Variants in PATL1 observed in about 807,000 individuals in gnomAD.
PATL1 encodes PAT1 homolog 1, processing body mRNA decay factor.
Under a neutral mutation model 100.6 loss-of-function variants are expected in PATL1, and 32 were observed. The observed-to-expected ratio is 0.32, with a 90% CI of 0.24 to 0.43. The LOEUF (loss-of-function observed/expected upper bound fraction) is 0.43, where lower values mean the gene tolerates loss of function less well. Ranked by LOEUF, PATL1 falls within the 20% of genes least tolerant of loss-of-function variation. The probability of loss-of-function intolerance (pLI) is 1.00; values close to 1 mark genes in which losing one functional copy is unlikely to be tolerated. For missense variants in PATL1, 747 were observed against 949.9 expected (o/e 0.79, Z 2.81); for synonymous variants, 332 against 330.0 (o/e 1.01, Z -0.07).
chr11:59,652,630 C>T lies in PATL1; in HGVS notation c.1303-43G>A, dbSNP rs981433988. On this transcript the variant is annotated intron_variant, in intron 10 of 18. Transcript: ENST00000300146. Reference sequence around the variant, plus strand: ...TTTCAGTTGTAACACAAGCACAGAACACGACTGTTGTTTACCATCAAATAA... The same window carrying T: ...TTTCAGTTGTAACACAAGCACAGAATACGACTGTTGTTTACCATCAAATAA... The T allele has an allele frequency of 2.5e-6, 4 of 1,604,618 alleles. No individual in the cohort carries two copies. The African/African-American group carries it at 5.4e-5, about 22-fold the overall frequency.
intron 8 of PATL1, among the ~76,000 whole-genome samples, chr11:59,655,206 CACA>C (rs1279308345): frequency 6.6e-6 from 1 of 152,174 alleles, no homozygotes; most frequent in Non-Finnish European, 1.5e-5. Flanking sequence ...TGTAATAAAA[CACA>C]ACTTCACTGA....
At chr11:59,655,047 T>C (rs1017884993) in intron 8 of PATL1, among the ~76,000 whole-genome samples, 3 of 152,232 alleles carry the variant, frequency 2.0e-5, no homozygotes, top group African/African-American at 7.2e-5. Flanking sequence ...TCTTGCCTGC[T>C]GGTCTGTCTT....
At position 59,668,282 on chromosome 11, in the gene PATL1, G is replaced by C. The variant is rs536919829; in HGVS notation, c.15+599C>G. Among the ~76,000 whole-genome samples, 20 of 152,212 alleles carry C rather than the reference G, an allele frequency of 1.3e-4. No individual in the cohort carries two copies. In the South Asian group the frequency reaches 3.9e-3, roughly 30 times the overall value. On this transcript the variant is annotated intron_variant, in intron 1 of 18. Coordinates refer to ENST00000300146, the MANE Select transcript of PATL1 (RefSeq NM_152716.3). ...GTCTGCTGCTATTGCTACATTCCCG[G>C]CACCTTCTCCAAACCCGCGTCTCCC...
chr11:59,656,566 G>A lies in PATL1; in HGVS notation c.656C>T (p.Pro219Leu), dbSNP rs913950533. 5 of 1,613,914 alleles carry A rather than the reference G, an allele frequency of 3.1e-6. No individual in the cohort carries two copies. The highest frequency in any genetic ancestry group is 4.2e-6 in the Non-Finnish European group (5 of 1,179,878). Residue 219 changes from proline (P) to leucine (L), a missense_variant, in exon 6 of 19, where the codon CCA (proline) becomes CTA (leucine). Transcript: ENST00000300146. ...GGGAGCAGGATAACGAGGTGGCATTGGGGGCCGAACATGGACAGGCTTCGG... is the reference window on the plus strand; with the variant it reads ...GGGAGCAGGATAACGAGGTGGCATTAGGGGCCGAACATGGACAGGCTTCGG... ...LCPKPVHVRP[P>L]MPPRYPAPYG...
intron 11 of PATL1, 113 bp downstream of exon 11, chr11:59,652,351 C>T: frequency 1.4e-6 from 2 of 1,397,296 alleles, no homozygotes; most frequent in Admixed American, 5.2e-5. Flanking sequence ...CTTTTAAAAT[C>T]ACTTTGAAAC....
intron 8 of PATL1, 103 bp from the exon 9 acceptor site, chr11:59,654,175 G>C: frequency 1.9e-6 from 2 of 1,036,350 alleles, no homozygotes; most frequent in Non-Finnish European, 3.0e-6. Context: ...TTAACTTAAG[G>C]GACTACAAAA....
rs76721411 is a variant in PATL1 at position 59,660,130 on chromosome 11, C to T, written c.128-661G>A. On this transcript the variant is annotated intron_variant, in intron 2 of 18. Coordinates refer to ENST00000300146, the MANE Select transcript of PATL1 (RefSeq NM_152716.3). ...GATTCTATGACATTTCAAGCAAAAA[C>T]TTTAAAGGGAAGTTAAAACTCATAG... Among the ~76,000 whole-genome samples, 258 of 152,248 alleles carry T rather than the reference C, an allele frequency of 1.7e-3. 3 individuals carry two copies. In the East Asian group the frequency reaches 0.045, roughly 26 times the overall value.
At chr11:59,666,808 G>A in intron 2 of PATL1, 45 bp downstream of exon 2, 1 of 1,531,754 alleles carries the variant, frequency 6.5e-7, no homozygotes, top group Non-Finnish European at 8.8e-7. Context: ...CACTTGAAAA[G>A]AGCAGGAGGC....
chr11:59,652,522 C>T lies in PATL1; in HGVS notation c.1368G>A (p.Lys456=), dbSNP rs1861461906. The change falls in exon 11 of 19, where the codon AAG becomes AAA. Residue 456 remains lysine (K), a synonymous_variant. Transcript: ENST00000300146. ...GAGGGGTGATAAGCTTGGTGCGCTC[C>T]TTCTTAGGGCCATCACCTTGTATTT... is the stretch of plus-strand genomic sequence containing the variant. ...AEEIQGDGPK[K]ERTKLITPQV... The T allele has an allele frequency of 6.2e-7, 1 of 1,613,900 alleles. No individual in the cohort carries two copies. Among genetic ancestry groups the T allele is most frequent in the East Asian group, 2.2e-5 (1 of 44,880 alleles).
At chr11:59,640,564 C>CA (rs1183813691) in intron 16 of PATL1, among the ~76,000 whole-genome samples, 5 of 147,772 alleles carry the variant, frequency 3.4e-5, no homozygotes, top group African/African-American at 1.2e-4. Context: ...CTAAAAAATA[C>CA]AAAAAATTAG....
intron 16 of PATL1, 156 bp from the exon 17 acceptor site, chr11:59,639,539 A>G: frequency 1.6e-6 from 1 of 616,440 alleles, no homozygotes; most frequent in Non-Finnish European, 2.8e-6. Flanking sequence ...TCAGACAAGC[A>G]TGAGTTGAAA....
chr11:59,650,665 CTGAT>C, intron 13 of PATL1, 85 bp downstream of exon 13: 2 of 877,332 alleles, frequency 2.3e-6, no homozygotes, highest in Non-Finnish European at 3.5e-6. Flanking sequence ...AGAACATTGA[CTGAT>C]TGCTCACTGT....
Position 59,652,471 on chromosome 11 carries a change from A to G in PATL1, c.1419T>C (p.Tyr473=). Residue 473 remains tyrosine (Y), a synonymous_variant, in exon 11 of 19, where the codon TAT becomes TAC. Coordinates refer to ENST00000300146, the MANE Select transcript of PATL1 (RefSeq NM_152716.3). ...TPQVAKLEHA[Y]KPVQFEGSLG... is the part of the protein sequence containing the mutation. ...TTCTTATGAGGACCTTACCTGGCTT[A>G]TAGGCGTGCTCCAGTTTGGCCACCT... is the stretch of plus-strand genomic sequence containing the variant. 1.2e-6 allele frequency: 2 copies of G among 1,612,988 alleles called. No homozygotes were observed. Among genetic ancestry groups the G allele is most frequent in the Non-Finnish European group, 1.7e-6 (2 of 1,179,564 alleles).
intron 16 of PATL1, 190 bp downstream of exon 16, chr11:59,642,690 C>T (rs1311598900): frequency 1.7e-6 from 1 of 573,664 alleles, no homozygotes; most frequent in Non-Finnish European, 2.9e-6. Context: ...ATTTATTTCA[C>T]ACTAGACACA....
chr11:59,644,258 C>T (rs1274787812), intron 15 of PATL1, among the ~76,000 whole-genome samples: 1 of 152,114 alleles, frequency 6.6e-6, no homozygotes, highest in Admixed American at 6.6e-5. Flanking sequence ...TCCCAAAATA[C>T]ATCAGTTTGT....
At chr11:59,649,416 A>C (rs1861410188) in intron 14 of PATL1, 46 bp downstream of exon 14, 2 of 1,598,596 alleles carry the variant, frequency 1.3e-6, no homozygotes. Flanking sequence ...GTTATGACAG[A>C]GGAAGGAGTC....
intron 15 of PATL1, 56 bp downstream of exon 15, chr11:59,647,698 G>A: frequency 1.3e-6 from 2 of 1,561,908 alleles, no homozygotes; most frequent in Non-Finnish European, 1.8e-6. Flanking sequence ...TTGCATTCTA[G>A]AAATCTTATC....
chr11:59,661,957 A>G (rs922697068), intron 2 of PATL1, among the ~76,000 whole-genome samples: 1 of 152,238 alleles, frequency 6.6e-6, no homozygotes, highest in Middle Eastern at 3.2e-3. Context: ...TATAATAATT[A>G]ATACTGTAAT....
Position 59,668,882 on chromosome 11 carries a change from T to C in PATL1, c.14A>G (p.Glu5Gly). The C allele has an allele frequency of 8.1e-7, 1 of 1,233,708 alleles. No individual in the cohort carries two copies. The highest frequency in any genetic ancestry group is 1.1e-6 in the Non-Finnish European group (1 of 928,778). 76.4% of individuals were successfully genotyped at this position (1,233,708 alleles called of 1,614,324 possible). A position where few individuals can be genotyped will look rare whatever the true frequency, so the allele number is the denominator to read the frequency against. ...TCACTTCCGGTCGCAACAGCTCACC[T>C]CGTAGCGGAACATTCTTGGGGAGGG... is the stretch of plus-strand genomic sequence containing the variant. MFRY[E>G]SLEDCPLDED... Residue 5 changes from glutamate (E) to glycine (G), a missense_variant and splice_region_variant, in exon 1 of 19, where the codon GAG (glutamate) becomes GGG (glycine). Glu to Gly is a moderately conservative substitution (Grantham distance 98). Around this residue, in one of 4 missense-constraint regions of PATL1, gnomAD observed 183 missense variants for 221.2 expected, o/e 0.83. Transcript: ENST00000300146.
Sources: gnomAD v4.1 joint callset for allele counts (sites outside exome capture counted in the v4.1 genomes callset) on GRCh38, gnomAD v4.1.1 for gene constraint, gnomAD v4.1.1 regional missense constraint, MANE v1.5 for transcripts, NCBI Gene and HGNC (gene_info 2026-07-23, HGNC 2026-07-21) for gene names.